The following ZNF492 variants were observed in gnomAD, a reference collection of about 807,000 sequenced individuals.
ZNF492 encodes zinc finger protein 115 (Y20).
Under a neutral mutation model 6.4 loss-of-function variants are expected in ZNF492, and 3 were observed. The observed-to-expected ratio is 0.47, with a 90% CI of 0.21 to 1.22. The LOEUF is 1.22. ZNF492 is among the 50% of genes most tolerant of loss of function. The pLI is 0.22. For missense variants in ZNF492, 356 were observed against 612.5 expected (o/e 0.58, Z 4.42); for synonymous variants, 112 against 205.3 (o/e 0.55, Z 3.89).
chr19:22,639,555 A>G (rs1971803738), intron 1 of ZNF492, among the ~76,000 whole-genome samples: 1 of 152,038 alleles, frequency 6.6e-6, no homozygotes, highest in Middle Eastern at 3.4e-3. Flanking sequence ...TACTAAAAAA[A>G]CAAAATTAGC....
intron 3 of ZNF492, among the ~76,000 whole-genome samples, chr19:22,655,813 GTTGTTTTTT>G (rs1971989921): frequency 6.2e-5 from 4 of 64,890 alleles, no homozygotes; most frequent in Non-Finnish European, 8.7e-5. Context: ...AGTTTTTCTT[GTTGTTTTTT>G]TTTTTTTTTT....
intron 3 of ZNF492, among the ~76,000 whole-genome samples, chr19:22,655,820 T>C (rs1457529323): frequency 8.9e-6 from 1 of 112,466 alleles, no homozygotes; most frequent in Non-Finnish European, 1.9e-5. Flanking sequence ...CTTGTTGTTT[T>C]TTTTTTTTTT....
rs1971960740 is a variant in ZNF492 at position 22,653,328 on chromosome 19, G to A, written c.-72G>A. 18 of 1,613,386 alleles carry A rather than the reference G, an allele frequency of 1.1e-5. No homozygotes were observed. Among genetic ancestry groups the A allele is most frequent in the Non-Finnish European group, 1.5e-5 (18 of 1,179,852 alleles). ...TCAGGGAGTGTTGACATTTAGGGAT[G>A]TGGCCATAGAATTCTCTCTGGAGGA... On this transcript the variant is annotated 5_prime_UTR_variant, in exon 2 of 4. In the 5' UTR this introduces an upstream ATG that the reference lacks. Transcript: ENST00000456783.
intron 1 of ZNF492, among the ~76,000 whole-genome samples, chr19:22,642,384 CTT>C (rs869202400): frequency 3.5e-5 from 3 of 85,478 alleles, no homozygotes; most frequent in Middle Eastern, 9.8e-3. Flanking sequence ...AACCTTTTGT[CTT>C]TTTTTTTTTT....
chr19:22,647,727 G>GTTTTTT lies in ZNF492; in HGVS notation c.-93-5565_-93-5560dup, dbSNP rs71180575. Among the ~76,000 whole-genome samples, 102 of 92,566 alleles carry GTTTTTT rather than the reference G, an allele frequency of 1.1e-3. 10 individuals carry two copies. The highest frequency in any genetic ancestry group is 4.1e-3 in the African/African-American group (86 of 21,064). The allele number at this position is 92,566 out of a possible 152,430, so 60.7% of individuals were successfully genotyped here. A position where few individuals can be genotyped will look rare whatever the true frequency, so the allele number is the denominator to read the frequency against. ...TTGCTCTTGCTTTCTAGCTCTTTTA[G>GTTTTTT]TTTTTTTTTTTTTTTTTTTTGAGAT... On this transcript the variant is annotated intron_variant, in intron 1 of 3. Transcript: ENST00000456783.
At chr19:22,652,107 T>C (rs945554940) in intron 1 of ZNF492, among the ~76,000 whole-genome samples, 111 of 147,918 alleles carry the variant, frequency 7.5e-4, no homozygotes, top group African/African-American at 2.9e-3. Context: ...TAATGAACTC[T>C]GTGACAGATT....
At chr19:22,634,956 G>T (rs530876147) in intron 1 of ZNF492, among the ~76,000 whole-genome samples, 1 of 152,288 alleles carries the variant, frequency 6.6e-6, no homozygotes, top group East Asian at 1.9e-4. Context: ...CCCAGCTGTG[G>T]GTTGTAGTTT....
chr19:22,640,614 T>G (rs1971816847), intron 1 of ZNF492, among the ~76,000 whole-genome samples: 1 of 152,218 alleles, frequency 6.6e-6, no homozygotes, highest in Admixed American at 6.5e-5. Context: ...TAAAGTTTTC[T>G]TCTTTTGTTT....
In ZNF492 at chr19:22,634,493, A is replaced by C; in HGVS notation, c.-94+19A>C. ...AGAAACGGTGAGAGTGCCGGGTCCG[A>C]CATCCCGAGAGAGGGGAAGGGGCTG... is the stretch of plus-strand genomic sequence containing the variant. On this transcript the variant is annotated intron_variant, in intron 1 of 3. Coordinates refer to ENST00000456783, the MANE Select transcript of ZNF492 (RefSeq NM_020855.3). The C allele has an allele frequency of 7.3e-7, 1 of 1,376,404 alleles. No homozygotes were observed. Among genetic ancestry groups the C allele is most frequent in the South Asian group, 1.2e-5 (1 of 86,514 alleles). The allele number at this position is 1,376,404 out of a possible 1,614,324, so 85.3% of individuals were successfully genotyped here.
intron 1 of ZNF492, among the ~76,000 whole-genome samples, chr19:22,653,005 A>G (rs772278240): frequency 6.6e-6 from 1 of 151,816 alleles, no homozygotes; most frequent in African/African-American, 2.4e-5. Flanking sequence ...CTTATTCTGT[A>G]TGATGTAAAT....
intron 3 of ZNF492, among the ~76,000 whole-genome samples, chr19:22,658,539 G>A (rs4024180): frequency 0.3 from 38,831 of 128,956 alleles, 10,462 homozygotes; most frequent in African/African-American, 0.58. Flanking sequence ...TTCAAATACC[G>A]TTCTGTTTTC....
At chr19:22,656,560 G>T (rs2885220) in intron 3 of ZNF492, among the ~76,000 whole-genome samples, 7 of 152,028 alleles carry the variant, frequency 4.6e-5, no homozygotes, top group East Asian at 1.9e-4. Context: ...ACCACAGTAA[G>T]GGCCAAGGTC....
intron 1 of ZNF492, among the ~76,000 whole-genome samples, chr19:22,643,999 A>G (rs1458351853): frequency 6.6e-6 from 1 of 151,492 alleles, no homozygotes; most frequent in Admixed American, 6.6e-5. Context: ...TTGTATTTTT[A>G]TATCTGTAGA....
At chr19:22,645,610 A>C (rs1334758835) in intron 1 of ZNF492, among the ~76,000 whole-genome samples, 7 of 152,060 alleles carry the variant, frequency 4.6e-5, no homozygotes, top group Admixed American at 6.6e-5. Flanking sequence ...CTATGTCCTG[A>C]ATGGTATTGC....
rs1342491900 is a variant in ZNF492, at chr19:22,667,618, A to T, written c.*2353A>T. 3.9e-5 allele frequency: 6 copies of T among 151,982 alleles called. No homozygotes were observed. Among genetic ancestry groups the T allele is most frequent in the African/African-American group, 9.7e-5 (4 of 41,444 alleles). The allele number at this position is 151,982 out of a possible 1,614,324, so 9.4% of individuals were successfully genotyped here. The stretch of plus-strand genomic sequence containing the variant: ...ATTTTTATAATAAAAATTATATACA[A>T]GTATAAAATTTACACATTTCTGAGT... On this transcript the variant is annotated 3_prime_UTR_variant, in exon 4 of 4. Transcript: ENST00000456783.
intron 1 of ZNF492, among the ~76,000 whole-genome samples, chr19:22,636,155 A>G (rs1971760122): frequency 1.3e-5 from 2 of 151,404 alleles, no homozygotes; most frequent in African/African-American, 4.9e-5. Flanking sequence ...GCTGGAGTGC[A>G]ATGGCGCGAT....
chr19:22,646,044 C>A (rs1244506780), intron 1 of ZNF492, among the ~76,000 whole-genome samples: 1 of 151,976 alleles, frequency 6.6e-6, no homozygotes, highest in African/African-American at 2.4e-5. Context: ...GTCTTTTTTT[C>A]TAATTCTGTG....
intron 1 of ZNF492, among the ~76,000 whole-genome samples, chr19:22,647,680 T>C (rs1971896022): frequency 1.3e-5 from 2 of 151,520 alleles, no homozygotes; most frequent in Non-Finnish European, 2.9e-5. Flanking sequence ...TGTCCTCTGC[T>C]AGCTTTTGGA....
In ZNF492 at chr19:22,636,171, C is replaced by T. The variant is rs534340231; in HGVS notation, c.-94+1697C>T. ...CTGGAGTGCAATGGCGCGATCTCGG[C>T]TCACGGCAACCTCCGCCTCCCAGGT... On this transcript the variant is annotated intron_variant, in intron 1 of 3. Transcript: ENST00000456783. 2.0e-5 allele frequency among the ~76,000 whole-genome samples: 3 copies of T among 151,806 alleles called. No individual in the cohort carries two copies. The East Asian group carries it at 5.8e-4, about 29-fold the overall frequency.
Sources: allele counts gnomAD v4.1 joint callset (sites outside exome capture counted in the v4.1 genomes callset), GRCh38; gene constraint gnomAD v4.1.1; transcripts MANE v1.5; gene names NCBI Gene and HGNC (gene_info 2026-07-23, HGNC 2026-07-21).